Variants in DIP2C observed in about 807,000 individuals in gnomAD.
The protein encoded by DIP2C is DIP2 acetate--CoA ligase C (putative).
In DIP2C, 33 loss-of-function variants were observed where a neutral mutation model predicts 192.4. The observed-to-expected ratio is 0.17, with a 90% CI of 0.13 to 0.23. DIP2C has a LOEUF of 0.23. DIP2C is among the 10% of genes least tolerant of loss of function. The pLI is 1.00. For missense variants in DIP2C, 1,537 were observed against 2,110.1 expected (o/e 0.73, Z 5.32); for synonymous variants, 979 against 864.1 (o/e 1.13, Z -2.33).
chr10:482,618 TCA>T (rs1843686538), intron 2 of DIP2C, among the ~76,000 whole-genome samples: 1 of 152,128 alleles, frequency 6.6e-6, no homozygotes, highest in African/African-American at 2.4e-5. Flanking sequence ...AAGAAACATT[TCA>T]CAGACAAACA....
At chr10:558,096 T>G (rs1390952817) in intron 1 of DIP2C, among the ~76,000 whole-genome samples, 2 of 152,162 alleles carry the variant, frequency 1.3e-5, no homozygotes, top group African/African-American at 4.8e-5. Flanking sequence ...GTTTCACGCT[T>G]GCCTCATATG....
chr10:276,007 G>A lies in DIP2C; in HGVS notation c.*1318C>T, dbSNP rs975139458. The stretch of plus-strand genomic sequence containing the variant: ...CCGGACACTTTGTCCACTCCACATT[G>A]GCCATCAGAGGGGGAATCAATGCAA... On this transcript the variant is annotated 3_prime_UTR_variant, in exon 37 of 37. Transcript: ENST00000280886. 2.6e-5 allele frequency: 4 copies of A among 152,220 alleles called. No homozygotes were observed. The highest frequency in any genetic ancestry group is 9.7e-5 in the African/African-American group (4 of 41,446). 9.4% of individuals were successfully genotyped at this position (152,220 alleles called of 1,614,324 possible).
intron 5 of DIP2C, among the ~76,000 whole-genome samples, chr10:419,674 G>A (rs976324801): frequency 1.3e-5 from 2 of 152,222 alleles, no homozygotes; most frequent in Non-Finnish European, 2.9e-5. Context: ...GGCCATGACC[G>A]TGTAGGGTAG....
intron 1 of DIP2C, among the ~76,000 whole-genome samples, chr10:528,359 ACCCAGAACGCAGACCGCCCGCAGCTCC>A (rs373324517): frequency 0.26 from 36,000 of 140,228 alleles, 5,893 homozygotes; most frequent in African/African-American, 0.49. Context: ...CCCGCTGCCC[ACCCAGAACGCAGACCGCCCGCAGCTCC>A]CCCAGAACGC....
intron 1 of DIP2C, among the ~76,000 whole-genome samples, chr10:508,040 C>T (rs1845746125): frequency 6.6e-6 from 1 of 152,082 alleles, no homozygotes; most frequent in Admixed American, 6.6e-5. Flanking sequence ...CAGGGTGCTG[C>T]CCTTCCCTCC....
At chr10:554,201 G>C (rs1848729307) in intron 1 of DIP2C, among the ~76,000 whole-genome samples, 2 of 151,660 alleles carry the variant, frequency 1.3e-5, no homozygotes, top group Non-Finnish European at 2.9e-5. Context: ...AGGAGAAAAG[G>C]TATAGCTTGT....
rs1961274755 is a variant in DIP2C at position 373,932 on chromosome 10, C to G, written c.1992-4299G>C. 2.0e-5 allele frequency among the ~76,000 whole-genome samples: 3 copies of G among 152,214 alleles called. No individual in the cohort carries two copies. The South Asian group carries it at 6.2e-4, about 32-fold the overall frequency. ...CCAGAGCTCAGGGCCTTCGCAGCCTCCATACTCGCAATAGCCCCCCGGATC... is the reference window on the plus strand; with the variant it reads ...CCAGAGCTCAGGGCCTTCGCAGCCTGCATACTCGCAATAGCCCCCCGGATC... On this transcript the variant is annotated intron_variant, in intron 17 of 36. Coordinates refer to ENST00000280886, the MANE Select transcript of DIP2C (RefSeq NM_014974.3).
In DIP2C at chr10:689,594, C is replaced by T. The variant is rs747871232; in HGVS notation, c.-16G>A. 2.6e-6 allele frequency: 3 copies of T among 1,141,410 alleles called. No homozygotes were observed. Among genetic ancestry groups the T allele is most frequent in the African/African-American group, 3.3e-5 (2 of 59,766 alleles). 70.7% of individuals were successfully genotyped at this position (1,141,410 alleles called of 1,614,324 possible). A position where few individuals can be genotyped will look rare whatever the true frequency, so the allele number is the denominator to read the frequency against. Reference sequence around the variant, plus strand: ...GGTCCGCCATGCTCCGCGGGCGCCGCGCCCCGCACGGCCTCCTCTTTGTTC... The same window carrying T: ...GGTCCGCCATGCTCCGCGGGCGCCGTGCCCCGCACGGCCTCCTCTTTGTTC... On this transcript the variant is annotated 5_prime_UTR_variant, in exon 1 of 37. Transcript: ENST00000280886. This position sits in a 1 kb window ranked among gnomAD's most constrained non-coding sequence, Gnocchi z 6.1.
rs910431668 is a variant in DIP2C at position 276,781 on chromosome 10, A to G, written c.*544T>C. 4.6e-5 allele frequency: 7 copies of G among 153,540 alleles called. No individual in the cohort carries two copies. The highest frequency in any genetic ancestry group is 1.7e-4 in the African/African-American group (7 of 41,468). The allele number at this position is 153,540 out of a possible 1,614,324, so 9.5% of individuals were successfully genotyped here. A position where few individuals can be genotyped will look rare whatever the true frequency, so the allele number is the denominator to read the frequency against. On this transcript the variant is annotated 3_prime_UTR_variant, in exon 37 of 37. Coordinates refer to ENST00000280886, the MANE Select transcript of DIP2C (RefSeq NM_014974.3). ...ATTTCTGACAAAGAAAGCTGCTATT[A>G]TCTAATTGGAAGGTGCTATTTGGAA...
chr10:277,406 A>T lies in DIP2C; in HGVS notation c.4590T>A (p.Arg1530=), dbSNP rs758939906. 2 of 1,614,084 alleles carry T rather than the reference A, an allele frequency of 1.2e-6. No individual in the cohort carries two copies. Among genetic ancestry groups the T allele is most frequent in the South Asian group, 2.2e-5 (2 of 91,070 alleles). The change falls in exon 37 of 37, where the codon CGT becomes CGA. Residue 1530 remains arginine, a synonymous_variant. Coordinates refer to ENST00000280886, the MANE Select transcript of DIP2C (RefSeq NM_014974.3). ...VDIGVIPINS[R]GEKQRMHLRD... ...GCAGGTGCATGCGCTGCTTCTCCCC[A>T]CGGGAGTTGATGGGGATGACGCCGA... is the stretch of plus-strand genomic sequence containing the variant.
At chr10:677,153 C>A (rs1416585196) in intron 1 of DIP2C, among the ~76,000 whole-genome samples, 1 of 152,168 alleles carries the variant, frequency 6.6e-6, no homozygotes, top group Non-Finnish European at 1.5e-5. Context: ...TTGGTGGAGA[C>A]CTAACCACTT....
At chr10:682,148 C>G (rs541283513) in intron 1 of DIP2C, among the ~76,000 whole-genome samples, 2 of 152,338 alleles carry the variant, frequency 1.3e-5, no homozygotes, top group East Asian at 3.9e-4. Flanking sequence ...CAGCTCTTCC[C>G]AGAGCAACGG....
At chr10:481,736 G>A (rs536327724) in intron 2 of DIP2C, among the ~76,000 whole-genome samples, 7 of 152,300 alleles carry the variant, frequency 4.6e-5, no homozygotes, top group East Asian at 1.9e-4. Context: ...AGCATCATGC[G>A]GACACGGTGG....
chr10:586,445 C>A (rs1851029708), intron 1 of DIP2C, among the ~76,000 whole-genome samples: 1 of 151,560 alleles, frequency 6.6e-6, no homozygotes, highest in Admixed American at 6.6e-5. Flanking sequence ...CTCACTACTT[C>A]ACTAACCTAC....
chr10:615,306 CA>C (rs1402107897), intron 1 of DIP2C, among the ~76,000 whole-genome samples: 4 of 152,152 alleles, frequency 2.6e-5, no homozygotes, highest in African/African-American at 9.7e-5. Context: ...CTGATGTTAT[CA>C]AATCACCAAG....
chr10:441,289 A>C (rs1225204622), intron 3 of DIP2C: 14 of 326,102 alleles, frequency 4.3e-5, no homozygotes, highest in African/African-American at 2.8e-4. Flanking sequence ...ATCTTTGGAG[A>C]TCTCTTTGTA....
intron 17 of DIP2C, among the ~76,000 whole-genome samples, chr10:374,818 G>C (rs774084798): frequency 6.6e-6 from 1 of 152,190 alleles, no homozygotes; most frequent in East Asian, 1.9e-4. Context: ...GGCAGAATTC[G>C]AGGGGGTTTA....
Position 326,998 on chromosome 10 carries a change from A to C in DIP2C, c.3924+8T>G, listed in dbSNP as rs761214833. On this transcript the variant is annotated splice_region_variant and intron_variant, in intron 31 of 36. Transcript: ENST00000280886. ...CCCACTCAGCACTGTGATGTCGCCG[A>C]ATCTCACCTGCAAGCAAATCGCCAG... The C allele has an allele frequency of 1.2e-6, 2 of 1,609,596 alleles. No individual in the cohort carries two copies. Among genetic ancestry groups the C allele is most frequent in the African/African-American group, 2.7e-5 (2 of 74,864 alleles).
intron 17 of DIP2C, among the ~76,000 whole-genome samples, chr10:374,249 A>G (rs1961315351): frequency 1.3e-5 from 2 of 152,240 alleles, no homozygotes; most frequent in African/African-American, 4.8e-5. Flanking sequence ...TAATATACAT[A>G]CCTAGAAAGA....
Sources: gnomAD v4.1 joint callset for allele counts (sites outside exome capture counted in the v4.1 genomes callset) on GRCh38, gnomAD v4.1.1 for gene constraint, Gnocchi (gnomAD v3.1) non-coding constraint, MANE v1.5 for transcripts, NCBI Gene and HGNC (gene_info 2026-07-23, HGNC 2026-07-21) for gene names.